The following CALN1 variants were observed in gnomAD, a reference collection of about 807,000 sequenced individuals.
CALN1 encodes calneuron 1.
CALN1 carries 17 observed loss-of-function variants against 30.6 expected under a neutral mutation model. That is an observed-to-expected ratio of 0.56 (90% CI 0.38 to 0.83). CALN1 has a LOEUF of 0.83. Among genes scored for constraint, CALN1 ranks in the 40% least tolerant of loss-of-function variants. CALN1 has a pLI of 0.00. For missense variants in CALN1, 291 were observed against 354.9 expected (o/e 0.82, Z 1.45); for synonymous variants, 156 against 131.4 (o/e 1.19, Z -1.28).
intron 2 of CALN1, among the ~76,000 whole-genome samples, chr7:72,401,207 A>G (rs531442300): frequency 6.6e-6 from 1 of 152,274 alleles, no homozygotes; most frequent in East Asian, 1.9e-4. Context: ...GAGGTTCCCA[A>G]CCAAAGAACT....
Position 71,786,702 on chromosome 7 carries a change from C to T in CALN1, c.*1073G>A, listed in dbSNP as rs1042034819. ...AGCTGGGGAAGACTAACAAAGCAAA[C>T]TCCAAGGTAAGGGAAAGGTAAGATG... On this transcript the variant is annotated 3_prime_UTR_variant, in exon 7 of 7. Coordinates refer to ENST00000395275, the MANE Select transcript of CALN1 (RefSeq NM_031468.4). 6.6e-6 allele frequency: 1 copy of T among 151,502 alleles called. No homozygotes were observed. Among genetic ancestry groups the T allele is most frequent in the Non-Finnish European group, 1.5e-5 (1 of 67,894 alleles). The allele number at this position is 151,502 out of a possible 1,614,324, so 9.4% of individuals were successfully genotyped here. A position where few individuals can be genotyped will look rare whatever the true frequency, so the allele number is the denominator to read the frequency against.
chr7:72,192,629 TTATTATTATTA>T (rs1562714856), intron 3 of CALN1, among the ~76,000 whole-genome samples: 275 of 2,172 alleles, frequency 0.13, 1 homozygote, highest in Middle Eastern at 0.62. Context: ...ATTTCTTTTA[TTATTATTATTA>T]TTATTATTAT....
chr7:71,792,061 G>A (rs1786599084), intron 6 of CALN1, among the ~76,000 whole-genome samples: 1 of 152,178 alleles, frequency 6.6e-6, no homozygotes, highest in East Asian at 1.9e-4. Context: ...CAGAAAGCCA[G>A]GCTTCAAGAA....
At chr7:72,336,950 C>A in intron 2 of CALN1, 4 of 985,176 alleles carry the variant, frequency 4.1e-6, no homozygotes, top group Non-Finnish European at 4.8e-6. Context: ...CGAGCCCCCT[C>A]GTCGACTCGG....
At chr7:71,811,772 G>A (rs1335645792) in intron 5 of CALN1, among the ~76,000 whole-genome samples, 3 of 148,860 alleles carry the variant, frequency 2.0e-5, no homozygotes, top group Non-Finnish European at 3.0e-5. Context: ...TCCACCTCCC[G>A]GGTTCAAGCA....
chr7:71,959,904 C>T (rs961300491), intron 5 of CALN1, among the ~76,000 whole-genome samples: 2 of 151,976 alleles, frequency 1.3e-5, no homozygotes, highest in South Asian at 4.1e-4. Flanking sequence ...GAGGCCGAGG[C>T]GGGCAGATCA....
At chr7:72,409,666 G>T (rs1055517366) in intron 1 of CALN1, among the ~76,000 whole-genome samples, 5 of 151,980 alleles carry the variant, frequency 3.3e-5, no homozygotes, top group Admixed American at 6.5e-5. Context: ...TCTAATGTTT[G>T]GGAATGGAGA....
chr7:72,283,381 A>G (rs1363362989), intron 2 of CALN1, among the ~76,000 whole-genome samples: 2 of 152,012 alleles, frequency 1.3e-5, no homozygotes, highest in Non-Finnish European at 2.9e-5. Flanking sequence ...AAAAAATAAA[A>G]AAATTTAGCT....
At chr7:72,430,110 C>T (rs978319476) in intron 1 of CALN1, among the ~76,000 whole-genome samples, 4 of 150,662 alleles carry the variant, frequency 2.7e-5, no homozygotes, top group Non-Finnish European at 5.9e-5. Context: ...TGTGAGCCAC[C>T]GCCCGGCCTG....
At chr7:71,986,573 C>T (rs1050206696) in intron 5 of CALN1, among the ~76,000 whole-genome samples, 2 of 152,112 alleles carry the variant, frequency 1.3e-5, no homozygotes, top group Non-Finnish European at 2.9e-5. Flanking sequence ...TTACTGTTTA[C>T]ACTACACACC....
In CALN1 at chr7:72,278,739, G is replaced by A. The variant is rs1797531655; in HGVS notation, c.191C>T (p.Ser64Phe). The A allele has an allele frequency of 6.2e-7, 1 of 1,614,016 alleles. No individual in the cohort carries two copies. The highest frequency in any genetic ancestry group is 8.5e-7 in the Non-Finnish European group (1 of 1,180,008). The change falls in exon 3 of 7, where the codon TCT becomes TTT. Residue 64 changes from serine to phenylalanine, a missense_variant. Coordinates refer to ENST00000395275, the MANE Select transcript of CALN1 (RefSeq NM_031468.4). ...CAGCTGTTCGCTGTCACTGCCAGCA[G>A]AGAGCGATCGGTTGAGGTAATTCCC... ...YKGNYLNRSL[S>F]AGSDSEQLAN...
At chr7:71,940,001 T>C (rs759407790) in intron 5 of CALN1, among the ~76,000 whole-genome samples, 5 of 152,230 alleles carry the variant, frequency 3.3e-5, no homozygotes, top group Non-Finnish European at 5.9e-5. Flanking sequence ...AGCCAGCTTA[T>C]AGAGGCTGCA....
chr7:72,302,015 C>T (rs1024766175), intron 2 of CALN1, among the ~76,000 whole-genome samples: 8 of 151,790 alleles, frequency 5.3e-5, no homozygotes, highest in Admixed American at 1.3e-4. Context: ...TAATGTAATG[C>T]TTCAGGGAGA....
intron 5 of CALN1, among the ~76,000 whole-genome samples, chr7:71,831,605 G>C (rs1320248028): frequency 1.3e-5 from 2 of 151,664 alleles, no homozygotes; most frequent in African/African-American, 2.4e-5. Context: ...AAAGTAAGAG[G>C]CTGGGCGTTG....
chr7:71,867,080 G>A (rs1252280385), intron 5 of CALN1, among the ~76,000 whole-genome samples: 2 of 151,982 alleles, frequency 1.3e-5, no homozygotes. Flanking sequence ...GGGAGGCAGA[G>A]GTTGCAGTGA....
chr7:72,141,987 A>G (rs1298811421), intron 3 of CALN1, among the ~76,000 whole-genome samples: 1 of 152,184 alleles, frequency 6.6e-6, no homozygotes, highest in Admixed American at 6.5e-5. Flanking sequence ...TATGATCTGC[A>G]GGGGTGGTTC....
intron 2 of CALN1, among the ~76,000 whole-genome samples, chr7:72,329,656 C>G (rs1213442022): frequency 6.6e-6 from 1 of 152,196 alleles, no homozygotes; most frequent in Non-Finnish European, 1.5e-5. Flanking sequence ...TAGAGCTCAT[C>G]AGTGAGACCT....
chr7:71,936,775 C>T (rs1045024171), intron 5 of CALN1, among the ~76,000 whole-genome samples: 4 of 152,126 alleles, frequency 2.6e-5, no homozygotes, highest in African/African-American at 9.7e-5. Flanking sequence ...AATTGTAGCT[C>T]CCATAATTCC....
At position 72,349,141 on chromosome 7, in the gene CALN1, A is replaced by G. The variant is rs73362965; in HGVS notation, c.119+54110T>C. Among the ~76,000 whole-genome samples the G allele has an allele frequency of 3.5e-3, 528 of 152,322 alleles. 3 individuals carry two copies. Among genetic ancestry groups the G allele is most frequent in the African/African-American group, 0.012 (500 of 41,578 alleles). On this transcript the variant is annotated intron_variant, in intron 2 of 6. Coordinates refer to ENST00000395275, the MANE Select transcript of CALN1 (RefSeq NM_031468.4). Reference sequence around the variant, plus strand: ...AAAATAAGTGAGTTTGAAAAAATAGAAACTGAAGCAGAGAAAGAATGCTGG... The same window carrying G: ...AAAATAAGTGAGTTTGAAAAAATAGGAACTGAAGCAGAGAAAGAATGCTGG...
Sources: gnomAD v4.1 joint callset for allele counts (sites outside exome capture counted in the v4.1 genomes callset) on GRCh38, gnomAD v4.1.1 for gene constraint, MANE v1.5 for transcripts, NCBI Gene and HGNC (gene_info 2026-07-23, HGNC 2026-07-21) for gene names.